CAMK4: variants seen among roughly 807,000 people sequenced by gnomAD.
The protein encoded by CAMK4 is calcium/calmodulin dependent protein kinase IV, also known as calcium/calmodulin-dependent protein kinase type IV.
In CAMK4, 22 loss-of-function variants were observed where a neutral mutation model predicts 44.9. The observed-to-expected ratio is 0.49, with a 90% CI of 0.35 to 0.70. The LOEUF (loss-of-function observed/expected upper bound fraction) is 0.70, where lower values mean the gene tolerates loss of function less well. Among genes scored for constraint, CAMK4 ranks in the 30% least tolerant of loss-of-function variants. The pLI, the probability that CAMK4 is intolerant of heterozygous loss-of-function variation, is 0.01. For missense variants in CAMK4, 498 were observed against 586.8 expected (o/e 0.85, Z 1.56); for synonymous variants, 218 against 215.4 (o/e 1.01, Z -0.11).
intron 1 of CAMK4, among the ~76,000 whole-genome samples, chr5:111,289,192 C>A (rs1400986101): frequency 1.3e-5 from 2 of 151,872 alleles, no homozygotes; most frequent in Non-Finnish European, 2.9e-5. Flanking sequence ...ACTAAAAACA[C>A]AAAATTAGCT....
At chr5:111,277,909 A>G (rs1750844783) in intron 1 of CAMK4, among the ~76,000 whole-genome samples, 1 of 152,186 alleles carries the variant, frequency 6.6e-6, no homozygotes, top group African/African-American at 2.4e-5. Context: ...TTTTAAATTC[A>G]GTACTGTCAT....
chr5:111,403,412 C>T (rs1752302436), intron 5 of CAMK4, among the ~76,000 whole-genome samples: 1 of 152,068 alleles, frequency 6.6e-6, no homozygotes, highest in Non-Finnish European at 1.5e-5. Context: ...TCATTTCTTT[C>T]TCTGGAGACT....
intron 1 of CAMK4, among the ~76,000 whole-genome samples, chr5:111,271,526 T>G (rs1750518346): frequency 6.6e-6 from 1 of 152,080 alleles, no homozygotes; most frequent in Non-Finnish European, 1.5e-5. Flanking sequence ...TCAAAAAAAA[T>G]AGCTGCAATT....
chr5:111,401,527 CA>C, intron 5 of CAMK4, among the ~76,000 whole-genome samples: 1 of 25,090 alleles, frequency 4.0e-5, no homozygotes, highest in East Asian at 6.0e-3. Context: ...GGTATCTGAG[CA>C]TCAAAAAAAA....
At chr5:111,310,988 C>T (rs917441805) in intron 1 of CAMK4, among the ~76,000 whole-genome samples, 5 of 151,998 alleles carry the variant, frequency 3.3e-5, no homozygotes, top group Admixed American at 3.3e-4. Context: ...CAGTATAATA[C>T]AGTTGAATTT....
At chr5:111,340,641 T>C (rs1274907962) in intron 1 of CAMK4, among the ~76,000 whole-genome samples, 2 of 151,252 alleles carry the variant, frequency 1.3e-5, no homozygotes, top group African/African-American at 4.8e-5. Flanking sequence ...TTTTTGTATC[T>C]GTGTTCATCA....
chr5:111,260,550 T>C lies in CAMK4; in HGVS notation c.161+35906T>C, dbSNP rs575271830. Among the ~76,000 whole-genome samples, 3 of 152,312 alleles carry C rather than the reference T, an allele frequency of 2.0e-5. No homozygotes were observed. The East Asian group carries it at 5.8e-4, about 29-fold the overall frequency. On this transcript the variant is annotated intron_variant, in intron 1 of 10. Transcript: ENST00000282356. Reference sequence around the variant, plus strand: ...TAACCCAGTGTTCTTGTCTTAAATATGCATCTGCAGTCCCTAGCTTTCTTC... The same window carrying C: ...TAACCCAGTGTTCTTGTCTTAAATACGCATCTGCAGTCCCTAGCTTTCTTC...
intron 5 of CAMK4, among the ~76,000 whole-genome samples, chr5:111,440,025 A>G (rs188593729): frequency 2.0e-5 from 3 of 152,352 alleles, no homozygotes; most frequent in Non-Finnish European, 2.9e-5. Flanking sequence ...TTGGCTGACT[A>G]GAATAGGAAA....
chr5:111,224,476 C>T lies in CAMK4; in HGVS notation c.-8C>T. 1 of 1,594,832 alleles carries T rather than the reference C, an allele frequency of 6.3e-7. No homozygotes were observed. Among genetic ancestry groups the T allele is most frequent in the Non-Finnish European group, 8.5e-7 (1 of 1,173,286 alleles). ...GGCGGCGGCGGCTTCCGGAGTCCCG[C>T]TGCGAAGATGCTCAAAGTCACGGTG... is the stretch of plus-strand genomic sequence containing the variant. On this transcript the variant is annotated 5_prime_UTR_variant, in exon 1 of 11. Transcript: ENST00000282356. The surrounding 1 kb of genome is among the most constrained non-coding windows in gnomAD (Gnocchi z 5.7).
At chr5:111,377,027 T>G (rs1339414453) in intron 4 of CAMK4, 85 bp downstream of exon 4, 1 of 810,794 alleles carries the variant, frequency 1.2e-6, no homozygotes, top group Admixed American at 2.3e-5. Context: ...TCCTGAAACT[T>G]TTTATAATGA....
intron 4 of CAMK4, among the ~76,000 whole-genome samples, chr5:111,387,339 C>A (rs899882378): frequency 2.0e-5 from 3 of 152,070 alleles, no homozygotes; most frequent in Non-Finnish European, 2.9e-5. Flanking sequence ...GAGATGCCAG[C>A]TAAATTGTAT....
At chr5:111,470,656 A>G (rs995866407) in intron 7 of CAMK4, among the ~76,000 whole-genome samples, 3 of 152,256 alleles carry the variant, frequency 2.0e-5, no homozygotes, top group African/African-American at 7.2e-5. Flanking sequence ...TGAAAAAACA[A>G]TAAGTGTTCC....
chr5:111,409,143 G>GGGGCT (rs1285133197), intron 5 of CAMK4, among the ~76,000 whole-genome samples: 3 of 152,166 alleles, frequency 2.0e-5, no homozygotes, highest in Non-Finnish European at 4.4e-5. Context: ...ACTTTGTGTG[G>GGGGCT]GGGCTACAAC....
chr5:111,439,915 G>GA (rs1196009099), intron 5 of CAMK4, among the ~76,000 whole-genome samples: 2 of 152,152 alleles, frequency 1.3e-5, no homozygotes, highest in African/African-American at 4.8e-5. Context: ...TTTGGGTTGA[G>GA]AAAAATGAGT....
intron 5 of CAMK4, among the ~76,000 whole-genome samples, chr5:111,399,236 C>G (rs547224759): frequency 6.6e-6 from 1 of 152,280 alleles, no homozygotes; most frequent in Non-Finnish European, 1.5e-5. Context: ...ATTCCCATCT[C>G]AGAGTAGTTG....
At chr5:111,458,690 T>A (rs1419485573) in intron 7 of CAMK4, among the ~76,000 whole-genome samples, 2 of 152,122 alleles carry the variant, frequency 1.3e-5, no homozygotes, top group African/African-American at 4.8e-5. Context: ...ACAAGGTAAT[T>A]AAGGAAGGCT....
Position 111,224,741 on chromosome 5 carries a change from G to GC in CAMK4, c.161+100dup. On this transcript the variant is annotated intron_variant, in intron 1 of 10. Transcript: ENST00000282356. This position sits in a 1 kb window ranked among gnomAD's most constrained non-coding sequence, Gnocchi z 5.7. ...GGAGGGTGCGGGAGCCTGCCTTCGTGCCCTTCGATTTCTCCCTACCTAGTT... is the reference window on the plus strand; with the variant it reads ...GGAGGGTGCGGGAGCCTGCCTTCGTGCCCCTTCGATTTCTCCCTACCTAGTT... 8.3e-7 allele frequency: 1 copy of GC among 1,201,796 alleles called. No individual in the cohort carries two copies. Among genetic ancestry groups the GC allele is most frequent in the Middle Eastern group, 2.9e-4 (1 of 3,430 alleles). The allele number at this position is 1,201,796 out of a possible 1,614,324, so 74.4% of individuals were successfully genotyped here.
intron 4 of CAMK4, among the ~76,000 whole-genome samples, chr5:111,393,796 A>C (rs1382779665): frequency 6.6e-6 from 1 of 152,100 alleles, no homozygotes; most frequent in African/African-American, 2.4e-5. Context: ...GTGATGAAAT[A>C]ACCTGTACAA....
At position 111,309,723 on chromosome 5, in the gene CAMK4, C is replaced by G. The variant is rs17133055; in HGVS notation, c.162-34301C>G. On this transcript the variant is annotated intron_variant, in intron 1 of 10. Coordinates refer to ENST00000282356, the MANE Select transcript of CAMK4 (RefSeq NM_001744.6). ...TCCCTCCATGACCACCCTTTAACTT[C>G]TATTATCTCACTAAAATGTCTGTTC... Among the ~76,000 whole-genome samples, 391 of 152,190 alleles carry G rather than the reference C, an allele frequency of 2.6e-3. 4 individuals carry two copies. Among genetic ancestry groups the G allele is most frequent in the East Asian group, 0.02 (105 of 5,182 alleles).
Sources: gnomAD v4.1 joint callset for allele counts (sites outside exome capture counted in the v4.1 genomes callset) on GRCh38, gnomAD v4.1.1 for gene constraint, Gnocchi (gnomAD v3.1) non-coding constraint, MANE v1.5 for transcripts, NCBI Gene and HGNC (gene_info 2026-07-23, HGNC 2026-07-21) for gene names.